NT5C2: variants seen among roughly 807,000 people sequenced by gnomAD.
NT5C2 encodes 5'-nucleotidase, cytosolic II, also known as cytosolic purine 5'-nucleotidase.
NT5C2 carries 58 observed loss-of-function variants against 76.1 expected under a neutral mutation model. The ratio of observed to expected loss-of-function variants is 0.76; its 90% CI spans 0.62 to 0.95. The LOEUF is 0.95. Among genes scored for constraint, NT5C2 ranks in the 40% least tolerant of loss-of-function variants. The pLI is 0.00. For missense variants in NT5C2, 478 were observed against 690.3 expected (o/e 0.69, Z 3.45); for synonymous variants, 229 against 237.4 (o/e 0.96, Z 0.32).
intron 1 of NT5C2, among the ~76,000 whole-genome samples, chr10:103,192,608 CTG>C (rs922486573): frequency 1.3e-5 from 2 of 152,202 alleles, no homozygotes; most frequent in African/African-American, 4.8e-5. Flanking sequence ...TTGCAATTCG[CTG>C]TGACCTTTCC....
intron 3 of NT5C2, among the ~76,000 whole-genome samples, chr10:103,167,456 C>T (rs1473801307): frequency 6.6e-6 from 1 of 152,102 alleles, no homozygotes; most frequent in African/African-American, 2.4e-5. Context: ...ACTAAAATGA[C>T]AGTTTACTAC....
At chr10:103,189,755 G>C (rs944361981) in intron 1 of NT5C2, among the ~76,000 whole-genome samples, 2 of 149,706 alleles carry the variant, frequency 1.3e-5, no homozygotes, top group Non-Finnish European at 3.0e-5. Context: ...TGCAACCTCT[G>C]CCTCCCAGGT....
chr10:103,162,102 G>T (rs142985874), intron 3 of NT5C2, among the ~76,000 whole-genome samples: 2 of 152,058 alleles, frequency 1.3e-5, no homozygotes, highest in Non-Finnish European at 2.9e-5. Context: ...TGCAACCTCC[G>T]CCTCATGGGT....
chr10:103,107,582 A>C (rs1346216361), intron 4 of NT5C2, among the ~76,000 whole-genome samples: 1 of 151,968 alleles, frequency 6.6e-6, no homozygotes, highest in African/African-American at 2.4e-5. Flanking sequence ...CTGAGGTGGG[A>C]GAATCGCTTG....
At chr10:103,158,532 A>G (rs1336652972) in intron 3 of NT5C2, among the ~76,000 whole-genome samples, 6 of 152,094 alleles carry the variant, frequency 3.9e-5, no homozygotes, top group Non-Finnish European at 8.8e-5. Flanking sequence ...GAATAAAAGC[A>G]GAGGCCAGGC....
intron 14 of NT5C2, 33 bp downstream of exon 14, chr10:103,093,939 A>G (rs2067527767): frequency 2.0e-6 from 3 of 1,532,556 alleles, no homozygotes; most frequent in African/African-American, 2.7e-5. Flanking sequence ...GGTCTGAGCA[A>G]AGACATTAAA....
intron 3 of NT5C2, among the ~76,000 whole-genome samples, chr10:103,144,159 G>A (rs1157384400): frequency 6.6e-6 from 1 of 152,126 alleles, no homozygotes; most frequent in Non-Finnish European, 1.5e-5. Flanking sequence ...AACTACTGAA[G>A]GCTTTTCAAA....
chr10:103,128,890 T>C (rs2135961391), intron 4 of NT5C2, among the ~76,000 whole-genome samples: 1 of 76,602 alleles, frequency 1.3e-5, no homozygotes, highest in Admixed American at 1.2e-4. Context: ...GTCTGAGAAG[T>C]GAGGAGCCTC....
At chr10:103,143,276 C>T (rs2080864951) in intron 3 of NT5C2, among the ~76,000 whole-genome samples, 1 of 152,046 alleles carries the variant, frequency 6.6e-6, no homozygotes, top group Non-Finnish European at 1.5e-5. Context: ...CTGGGCTGGG[C>T]TCCCCCATCA....
chr10:103,114,846 C>T (rs912122114), intron 4 of NT5C2, among the ~76,000 whole-genome samples: 2 of 152,148 alleles, frequency 1.3e-5, no homozygotes, highest in Non-Finnish European at 2.9e-5. Context: ...TTATCAAAAC[C>T]GAACAAATGT....
chr10:103,191,337 A>G (rs950761634), intron 1 of NT5C2, among the ~76,000 whole-genome samples: 7 of 151,042 alleles, frequency 4.6e-5, no homozygotes, highest in Non-Finnish European at 1.0e-4. Context: ...AGCCAAGATC[A>G]TGCCATTGCA....
intron 4 of NT5C2, among the ~76,000 whole-genome samples, chr10:103,116,742 ATTT>A (rs767356183): frequency 7.0e-6 from 1 of 141,968 alleles, no homozygotes; most frequent in Non-Finnish European, 1.5e-5. Flanking sequence ...CACCTGGCTA[ATTT>A]TTTTTTTTTT....
chr10:103,111,513 G>C (rs2073026177), intron 4 of NT5C2, among the ~76,000 whole-genome samples: 1 of 152,116 alleles, frequency 6.6e-6, no homozygotes, highest in African/African-American at 2.4e-5. Context: ...TGAAAGTTGT[G>C]GGCTCTGTTT....
chr10:103,089,937 A>G, intron 18 of NT5C2, 29 bp from the exon 19 acceptor site: 3 of 1,552,584 alleles, frequency 1.9e-6, no homozygotes, highest in Non-Finnish European at 2.6e-6. Flanking sequence ...GAGGCTCAGA[A>G]AGCAGGCAGA....
chr10:103,177,642 C>T (rs1468906936), intron 2 of NT5C2, among the ~76,000 whole-genome samples: 1 of 152,106 alleles, frequency 6.6e-6, no homozygotes, highest in Admixed American at 6.6e-5. Context: ...CCACCTCAGG[C>T]TCCAGAACAG....
chr10:103,161,246 T>C (rs2084798034), intron 3 of NT5C2, among the ~76,000 whole-genome samples: 1 of 152,060 alleles, frequency 6.6e-6, no homozygotes, highest in Non-Finnish European at 1.5e-5. Context: ...GGCACAATCA[T>C]AGCTCACTGC....
chr10:103,170,710 A>G (rs2087739292), intron 3 of NT5C2, among the ~76,000 whole-genome samples: 3 of 150,706 alleles, frequency 2.0e-5, no homozygotes, highest in Admixed American at 1.3e-4. Flanking sequence ...TTTTTTTTGT[A>G]GAGACAGGGT....
chr10:103,098,453 G>T, intron 10 of NT5C2: 1 of 186,836 alleles, frequency 5.4e-6, no homozygotes, highest in Non-Finnish European at 1.1e-5. Context: ...GTTATGATTT[G>T]GGTGTGACTT....
intron 3 of NT5C2, among the ~76,000 whole-genome samples, chr10:103,162,824 AGTTT>A (rs1216281481): frequency 2.0e-5 from 3 of 152,134 alleles, no homozygotes; most frequent in African/African-American, 4.8e-5. Flanking sequence ...ATACAGTAAT[AGTTT>A]ATTTAAAATA....
Sources: gnomAD v4.1 joint callset for allele counts (sites outside exome capture counted in the v4.1 genomes callset) on GRCh38, gnomAD v4.1.1 for gene constraint, MANE v1.5 for transcripts, NCBI Gene and HGNC (gene_info 2026-07-23, HGNC 2026-07-21) for gene names.